Variants in VPS54 observed in about 807,000 individuals in gnomAD.
VPS54 encodes VPS54 subunit of GARP complex, also known as vacuolar protein sorting-associated protein 54.
VPS54 carries 45 observed loss-of-function variants against 121.5 expected under a neutral mutation model. That is an observed-to-expected ratio of 0.37 (90% CI 0.29 to 0.47). VPS54 has a LOEUF of 0.47. Among genes scored for constraint, VPS54 ranks in the 20% least tolerant of loss-of-function variants. The pLI is 0.99. For synonymous variants in VPS54, 371 were observed against 385.8 expected, an observed-to-expected ratio of 0.96 and a Z score of 0.45; for missense variants, 1,090 against 1,131.4, an observed-to-expected ratio of 0.96 and a Z score of 0.52.
rs184652285 is a variant in VPS54, at chr2:64,010,014, G to A, written c.-21+8924C>T. ...CTGTCACCTTGCCTGCCTAATTTTC[G>A]TATTTTCAGTAGAGACGAAGTTTCA... On this transcript the variant is annotated intron_variant, in intron 1 of 22. Transcript: ENST00000272322. Among the ~76,000 whole-genome samples, 12 of 151,912 alleles carry A rather than the reference G, an allele frequency of 7.9e-5. No homozygotes were observed. The East Asian group carries it at 1.6e-3, about 20-fold the overall frequency.
chr2:63,944,496 C>T, intron 10 of VPS54, 104 bp downstream of exon 10: 2 of 1,117,744 alleles, frequency 1.8e-6, no homozygotes, highest in Non-Finnish European at 2.6e-6. Flanking sequence ...CCTGCTCACA[C>T]CTTAGTAAAT....
chr2:63,907,186 GA>G (rs965369426), intron 20 of VPS54, among the ~76,000 whole-genome samples: 19 of 151,818 alleles, frequency 1.3e-4, no homozygotes, highest in Middle Eastern at 3.4e-3. Flanking sequence ...TAACATTCTA[GA>G]AAAAAAATTG....
intron 7 of VPS54, among the ~76,000 whole-genome samples, chr2:63,959,139 A>C (rs942953937): frequency 3.3e-5 from 5 of 152,210 alleles, no homozygotes; most frequent in African/African-American, 1.2e-4. Flanking sequence ...TGGTCTTAAA[A>C]ACATCTGTGA....
At chr2:63,924,142 G>A (rs1381418312) in intron 12 of VPS54, among the ~76,000 whole-genome samples, 1 of 152,226 alleles carries the variant, frequency 6.6e-6, no homozygotes, top group Non-Finnish European at 1.5e-5. Flanking sequence ...GATAAAAACT[G>A]TGAGACTGCA....
At chr2:63,978,219 G>A (rs954245986) in intron 3 of VPS54, among the ~76,000 whole-genome samples, 1 of 152,220 alleles carries the variant, frequency 6.6e-6, no homozygotes, top group Non-Finnish European at 1.5e-5. Flanking sequence ...CAGATCAGAA[G>A]TATGTTTAGC....
chr2:63,896,183 ACT>A (rs933701614), intron 22 of VPS54, among the ~76,000 whole-genome samples: 4 of 151,934 alleles, frequency 2.6e-5, no homozygotes, highest in Non-Finnish European at 4.4e-5. Flanking sequence ...AAAATATCTG[ACT>A]CTATGTTGGT....
At chr2:64,012,667 T>C (rs748950923) in intron 1 of VPS54, among the ~76,000 whole-genome samples, 3 of 150,746 alleles carry the variant, frequency 2.0e-5, no homozygotes, top group Non-Finnish European at 4.4e-5. Flanking sequence ...CCCAATTCTA[T>C]CTTTAATCTC....
intron 12 of VPS54, among the ~76,000 whole-genome samples, chr2:63,931,574 C>T (rs1354416173): frequency 6.6e-6 from 1 of 152,156 alleles, no homozygotes; most frequent in East Asian, 1.9e-4. Flanking sequence ...CTGGGCAATA[C>T]CATTCAGGAC....
chr2:63,892,989 CTT>C lies in VPS54; in HGVS notation c.*439_*440del, dbSNP rs1672287384. On this transcript the variant is annotated 3_prime_UTR_variant, in exon 23 of 23. Coordinates refer to ENST00000272322, the MANE Select transcript of VPS54 (RefSeq NM_016516.3). Reference sequence around the variant, plus strand: ...AACAGCTTTACTTTCATAGAGAAAACTTTCTACAGAAGTTGACTAAGATTTTA... The same window carrying C: ...AACAGCTTTACTTTCATAGAGAAAACTCTACAGAAGTTGACTAAGATTTTA... The C allele has an allele frequency of 6.5e-6, 1 of 154,108 alleles. No homozygotes were observed. Among genetic ancestry groups the C allele is most frequent in the African/African-American group, 2.4e-5 (1 of 41,444 alleles). 9.5% of individuals were successfully genotyped at this position (154,108 alleles called of 1,614,324 possible).
At chr2:64,005,929 T>C (rs973319484) in intron 1 of VPS54, among the ~76,000 whole-genome samples, 8 of 152,188 alleles carry the variant, frequency 5.3e-5, no homozygotes, top group East Asian at 1.9e-4. Context: ...GGAAGTAGGA[T>C]AGTAAGGTTT....
chr2:63,968,952 G>A lies in VPS54; in HGVS notation c.492+5C>T. 1 of 1,600,056 alleles carries A rather than the reference G, an allele frequency of 6.2e-7. No individual in the cohort carries two copies. The highest frequency in any genetic ancestry group is 8.5e-7 in the Non-Finnish European group (1 of 1,174,220). ...GGCAATTTTCTCATGTTTAAGCTTT[G>A]TTACCTTAGGTACTTGCTCCAGATC... On this transcript the variant is annotated splice_donor_5th_base_variant and intron_variant, in intron 5 of 22. Coordinates refer to ENST00000272322, the MANE Select transcript of VPS54 (RefSeq NM_016516.3).
intron 1 of VPS54, among the ~76,000 whole-genome samples, chr2:63,991,975 C>A (rs907903452): frequency 1.4e-4 from 21 of 152,232 alleles, no homozygotes; most frequent in African/African-American, 5.1e-4. Context: ...ATTGTCCCCA[C>A]AGGGGTCACT....
intron 1 of VPS54, among the ~76,000 whole-genome samples, chr2:64,000,567 G>A (rs1479223918): frequency 3.3e-5 from 5 of 152,240 alleles, no homozygotes; most frequent in Non-Finnish European, 7.3e-5. Context: ...TTTGGGTGTT[G>A]TGATTTAAGC....
At chr2:63,935,494 G>A (rs531642480) in intron 11 of VPS54, among the ~76,000 whole-genome samples, 6 of 151,998 alleles carry the variant, frequency 3.9e-5, no homozygotes, top group Admixed American at 6.6e-5. Flanking sequence ...CTTGTTTTGC[G>A]TCTTTTTCCT....
chr2:63,947,224 T>A (rs977713334), intron 9 of VPS54, among the ~76,000 whole-genome samples, 159 bp downstream of exon 9: 7 of 152,080 alleles, frequency 4.6e-5, no homozygotes, highest in African/African-American at 1.7e-4. Context: ...ATCTTTTGGC[T>A]GGTAAGGCTA....
At chr2:63,978,291 G>A (rs989216130) in intron 3 of VPS54, among the ~76,000 whole-genome samples, 2 of 152,114 alleles carry the variant, frequency 1.3e-5, no homozygotes, top group African/African-American at 2.4e-5. Flanking sequence ...TCCCACCAGC[G>A]GTATATGAGA....
intron 1 of VPS54, among the ~76,000 whole-genome samples, chr2:64,017,349 A>C (rs981127667): frequency 4.1e-4 from 60 of 146,868 alleles, no homozygotes; most frequent in African/African-American, 1.4e-3. Flanking sequence ...AAAAAAAAAA[A>C]GAAAAGAAAC....
intron 12 of VPS54, among the ~76,000 whole-genome samples, chr2:63,932,049 C>A (rs1027726471): frequency 1.1e-4 from 17 of 152,286 alleles, no homozygotes; most frequent in African/African-American, 4.1e-4. Flanking sequence ...TGCATTTACA[C>A]TGTTGGTGGG....
At chr2:64,009,729 G>C (rs561979269) in intron 1 of VPS54, among the ~76,000 whole-genome samples, 22 of 152,246 alleles carry the variant, frequency 1.4e-4, no homozygotes, top group African/African-American at 5.3e-4. Context: ...TTTCAAGAAA[G>C]TTTGAGCCCA....
Sources: allele counts gnomAD v4.1 joint callset (sites outside exome capture counted in the v4.1 genomes callset), GRCh38; gene constraint gnomAD v4.1.1; transcripts MANE v1.5; gene names NCBI Gene and HGNC (gene_info 2026-07-23, HGNC 2026-07-21).